The following ARHGEF4 variants were observed in gnomAD, a reference collection of about 807,000 sequenced individuals.
ARHGEF4 encodes Rho guanine nucleotide exchange factor 4, also known as APC-stimulated guanine nucleotide exchange factor 1.
ARHGEF4 carries 119 observed loss-of-function variants against 162.0 expected under a neutral mutation model. The ratio of observed to expected loss-of-function variants is 0.73; its 90% confidence interval spans 0.63 to 0.86. The LOEUF (loss-of-function observed/expected upper bound fraction) is 0.86. ARHGEF4 is among the 40% of genes least tolerant of loss of function. The probability of loss-of-function intolerance (pLI) is 0.00; values close to 1 mark genes in which losing one functional copy is unlikely to be tolerated. For synonymous variants in ARHGEF4, 1,014 were observed against 979.9 expected, an observed-to-expected ratio of 1.03 and a Z score of -0.65; for missense variants, 2,488 against 2,456.0, an observed-to-expected ratio of 1.01 and a Z score of -0.28.
At chr2:130,844,919 G>A (rs1269672011) in intron 1 of ARHGEF4, among the ~76,000 whole-genome samples, 1 of 151,860 alleles carries the variant, frequency 6.6e-6, no homozygotes, top group Non-Finnish European at 1.5e-5. Flanking sequence ...CCACCTCCGG[G>A]TTCAAGTGAT....
chr2:131,029,314 G>T (rs141989537), intron 5 of ARHGEF4, among the ~76,000 whole-genome samples: 1 of 152,016 alleles, frequency 6.6e-6, no homozygotes, highest in Non-Finnish European at 1.5e-5. Flanking sequence ...AGCCAAGATC[G>T]TGCCACTGCA....
At chr2:130,865,423 G>A (rs2104915495) in intron 1 of ARHGEF4, among the ~76,000 whole-genome samples, 1 of 152,350 alleles carries the variant, frequency 6.6e-6, no homozygotes, top group Admixed American at 6.5e-5. Flanking sequence ...TGACGGTGCA[G>A]TTATTGTTTC....
intron 4 of ARHGEF4, among the ~76,000 whole-genome samples, chr2:130,956,581 C>T (rs1684286791): frequency 6.7e-6 from 1 of 150,102 alleles, no homozygotes; most frequent in Non-Finnish European, 1.5e-5. Context: ...AAATGTCCAA[C>T]AATGATAGAC....
intron 4 of ARHGEF4, among the ~76,000 whole-genome samples, chr2:130,989,871 G>GTA (rs918895748): frequency 6.6e-6 from 1 of 152,166 alleles, no homozygotes; most frequent in Non-Finnish European, 1.5e-5. Flanking sequence ...CTCTAAAATG[G>GTA]GACTAATGAT....
In ARHGEF4 at chr2:131,035,705, C is replaced by T. The variant is rs947425330; in HGVS notation, c.4126-3148C>T. On this transcript the variant is annotated intron_variant, in intron 5 of 13. Coordinates refer to ENST00000409359, the MANE Select transcript of ARHGEF4 (RefSeq NM_001367493.1). ...CTGCAGTTGTTTTTCCCGTTTTAGG[C>T]CTTAAAATACGTGGTGTCAGTCTTC... is the stretch of plus-strand genomic sequence containing the variant. The T allele has an allele frequency of 4.1e-6, 4 of 985,660 alleles. No individual in the cohort carries two copies. In the African/African-American group the frequency reaches 7.0e-5, roughly 17 times the overall value. The allele number at this position is 985,660 out of a possible 1,614,324, so 61.1% of individuals were successfully genotyped here.
intron 1 of ARHGEF4, among the ~76,000 whole-genome samples, chr2:130,899,720 G>A (rs1248145085): frequency 6.6e-6 from 1 of 152,170 alleles, no homozygotes; most frequent in Non-Finnish European, 1.5e-5. Context: ...AGAGGGTGAT[G>A]GCTTGAAACG....
chr2:130,931,305 TTC>T (rs781227960), intron 3 of ARHGEF4, 48 bp downstream of exon 3: 3 of 1,513,530 alleles, frequency 2.0e-6, no homozygotes, highest in Admixed American at 4.1e-5. Context: ...TGGTATCCCC[TTC>T]TCTCTGCAGC....
At chr2:130,840,074 G>T (rs1337723847) in intron 1 of ARHGEF4, among the ~76,000 whole-genome samples, 1 of 152,046 alleles carries the variant, frequency 6.6e-6, no homozygotes, top group Non-Finnish European at 1.5e-5. Context: ...CTACTTCCGT[G>T]AATTCCTGAG....
chr2:130,867,032 A>G (rs1462752511), intron 1 of ARHGEF4, among the ~76,000 whole-genome samples: 1 of 152,090 alleles, frequency 6.6e-6, no homozygotes, highest in Non-Finnish European at 1.5e-5. Flanking sequence ...TATTGATTCA[A>G]TTCCTTTAAT....
At chr2:130,837,547 C>G (rs961538289) in intron 1 of ARHGEF4, 8 of 437,998 alleles carry the variant, frequency 1.8e-5, no homozygotes, top group Non-Finnish European at 2.3e-5. Flanking sequence ...GGTGCCCCCT[C>G]TCTGGCCCGA....
intron 10 of ARHGEF4, 46 bp downstream of exon 10, chr2:131,041,990 C>G: frequency 6.3e-7 from 1 of 1,588,438 alleles, no homozygotes; most frequent in Non-Finnish European, 8.6e-7. Context: ...CTTGGCCCCT[C>G]GCTTTAAAAT....
Position 131,046,560 on chromosome 2 carries a change from CTCCTT to C in ARHGEF4, c.*374_*378del, listed in dbSNP as rs1691280848. ...GACCCTCTTCTCTGGAAACCTAATC[CTCCTT>C]TCATTTCCTCTGGGCAGGACTCTCT... On this transcript the variant is annotated 3_prime_UTR_variant, in exon 14 of 14. Transcript: ENST00000409359. 1 of 189,428 alleles carries C rather than the reference CTCCTT, an allele frequency of 5.3e-6. No individual in the cohort carries two copies. The highest frequency in any genetic ancestry group is 1.1e-5 in the Non-Finnish European group (1 of 92,142). The allele number at this position is 189,428 out of a possible 1,614,324, so 11.7% of individuals were successfully genotyped here.
intron 4 of ARHGEF4, among the ~76,000 whole-genome samples, chr2:130,979,285 A>G (rs1173608798): frequency 6.6e-6 from 1 of 152,204 alleles, no homozygotes; most frequent in African/African-American, 2.4e-5. Flanking sequence ...ATCTATATAA[A>G]TATAACTTGA....
chr2:130,869,316 C>T (rs775979822), intron 1 of ARHGEF4, among the ~76,000 whole-genome samples: 1 of 152,176 alleles, frequency 6.6e-6, no homozygotes, highest in Non-Finnish European at 1.5e-5. Context: ...TAGGAAAGAA[C>T]ACTCAGGAGC....
At chr2:130,878,685 A>G (rs1390108055) in intron 1 of ARHGEF4, among the ~76,000 whole-genome samples, 1 of 152,208 alleles carries the variant, frequency 6.6e-6, no homozygotes, top group African/African-American at 2.4e-5. Context: ...GGCCACGGTG[A>G]TTGCCTCTCT....
chr2:130,924,586 G>A (rs889673480), intron 2 of ARHGEF4, among the ~76,000 whole-genome samples: 32 of 152,206 alleles, frequency 2.1e-4, no homozygotes, highest in African/African-American at 7.5e-4. Context: ...GAAAGGTGCT[G>A]TTTGCATTTA....
intron 3 of ARHGEF4, among the ~76,000 whole-genome samples, chr2:130,943,529 T>G (rs1015268534): frequency 2.0e-5 from 3 of 152,172 alleles, no homozygotes; most frequent in Admixed American, 6.5e-5. Context: ...TGTTTCCTTT[T>G]GGATTATTTG....
intron 1 of ARHGEF4, among the ~76,000 whole-genome samples, chr2:130,902,805 A>G (rs1257761188): frequency 1.3e-5 from 2 of 152,146 alleles, no homozygotes; most frequent in Non-Finnish European, 2.9e-5. Flanking sequence ...TGCCCTAAAT[A>G]CTTCCTCTAC....
At chr2:131,035,286 G>A (rs960079780) in intron 5 of ARHGEF4, 8 of 1,209,722 alleles carry the variant, frequency 6.6e-6, no homozygotes, top group Middle Eastern at 3.2e-4. Flanking sequence ...GCGCCGCGCC[G>A]GGGTGAGTGG....
Sources: allele counts gnomAD v4.1 joint callset (sites outside exome capture counted in the v4.1 genomes callset), GRCh38; gene constraint gnomAD v4.1.1; transcripts MANE v1.5; gene names NCBI Gene and HGNC (gene_info 2026-07-23, HGNC 2026-07-21).